The following GRID1 variants were observed in gnomAD, a reference collection of about 807,000 sequenced individuals.
GRID1 encodes glutamate ionotropic receptor delta type subunit 1.
In GRID1, 28 loss-of-function variants were observed where a neutral mutation model predicts 98.0. The observed-to-expected ratio is 0.29, with a 90% confidence interval of 0.21 to 0.39. The LOEUF (loss-of-function observed/expected upper bound fraction) is 0.39, where lower values mean the gene tolerates loss of function less well. Ranked by LOEUF, GRID1 falls within the 10% of genes least tolerant of loss-of-function variation. The pLI, the probability that GRID1 is intolerant of heterozygous loss-of-function variation, is 1.00. For synonymous variants in GRID1, 553 were observed against 538.5 expected (o/e 1.03, Z -0.37); for missense variants, 1,111 against 1,340.5 (o/e 0.83, Z 2.67).
intron 8 of GRID1, among the ~76,000 whole-genome samples, chr10:85,783,182 G>C (rs955350532): frequency 1.3e-5 from 2 of 152,118 alleles, no homozygotes; most frequent in Non-Finnish European, 2.9e-5. Context: ...TGTCTCCCGG[G>C]GGATCATATA....
At chr10:85,917,382 T>TC (rs1841635860) in intron 4 of GRID1, among the ~76,000 whole-genome samples, 1 of 152,248 alleles carries the variant, frequency 6.6e-6, no homozygotes, top group East Asian at 1.9e-4. Context: ...TAGTGAAAAT[T>TC]CCCCCTTTAT....
At chr10:86,116,497 C>T (rs142635060) in intron 4 of GRID1, among the ~76,000 whole-genome samples, 1 of 152,250 alleles carries the variant, frequency 6.6e-6, no homozygotes, top group East Asian at 1.9e-4. Context: ...CCAACTTCAA[C>T]TTGTCTTAGA....
chr10:85,730,558 TCA>T (rs1841811248), intron 8 of GRID1, among the ~76,000 whole-genome samples: 1 of 152,170 alleles, frequency 6.6e-6, no homozygotes, highest in Non-Finnish European at 1.5e-5. Flanking sequence ...CTCTTCTAGG[TCA>T]CTGGGCCTCC....
At chr10:85,996,321 C>A (rs778829832) in intron 4 of GRID1, among the ~76,000 whole-genome samples, 15 of 152,228 alleles carry the variant, frequency 9.9e-5, no homozygotes, top group Non-Finnish European at 2.1e-4. Context: ...TTCCAACAAG[C>A]AATTGTGAAC....
chr10:86,002,733 C>A (rs952087852), intron 4 of GRID1, among the ~76,000 whole-genome samples: 1 of 152,164 alleles, frequency 6.6e-6, no homozygotes, highest in African/African-American at 2.4e-5. Flanking sequence ...TGGAATTAAG[C>A]CTTTTAATAT....
chr10:86,215,101 G>A (rs952206565), intron 2 of GRID1, among the ~76,000 whole-genome samples: 1 of 152,222 alleles, frequency 6.6e-6, no homozygotes, highest in African/African-American at 2.4e-5. Flanking sequence ...GGGACAGTGG[G>A]GAGGGAAGAG....
Position 86,293,219 on chromosome 10 carries a change from C to A in GRID1, c.235+70722G>T, listed in dbSNP as rs191991881. ...TTTGTTATCACTCCTTCTTTCTTTC[C>A]CTGTGGCCCATGCAGGGCTGCCATG... is the stretch of plus-strand genomic sequence containing the variant. On this transcript the variant is annotated intron_variant, in intron 2 of 15. Transcript: ENST00000327946. Among the ~76,000 whole-genome samples, 27 of 152,322 alleles carry A rather than the reference C, an allele frequency of 1.8e-4. No individual in the cohort carries two copies. The East Asian group carries it at 2.7e-3, about 15-fold the overall frequency.
intron 3 of GRID1, among the ~76,000 whole-genome samples, chr10:86,151,870 T>C (rs1347379488): frequency 6.6e-6 from 1 of 152,074 alleles, no homozygotes; most frequent in Non-Finnish European, 1.5e-5. Context: ...ACTCCCACCC[T>C]CTCAGTGACA....
intron 14 of GRID1, among the ~76,000 whole-genome samples, chr10:85,615,418 G>A (rs1269055488): frequency 6.6e-6 from 1 of 152,230 alleles, no homozygotes; most frequent in Non-Finnish European, 1.5e-5. Flanking sequence ...TTTTCCCTGA[G>A]CAAGCACAGT....
chr10:86,124,288 TTGA>T (rs1844719718), intron 4 of GRID1, among the ~76,000 whole-genome samples: 1 of 152,146 alleles, frequency 6.6e-6, no homozygotes, highest in Non-Finnish European at 1.5e-5. Flanking sequence ...CCCCAGTGCT[TTGA>T]TCTTGGACAC....
chr10:86,356,721 C>CG (rs1564747688), intron 2 of GRID1, among the ~76,000 whole-genome samples: 1 of 152,154 alleles, frequency 6.6e-6, no homozygotes, highest in African/African-American at 2.4e-5. Flanking sequence ...ACTCATACAA[C>CG]GGGAAACACA....
At chr10:86,200,500 G>C (rs1845931857) in intron 3 of GRID1, among the ~76,000 whole-genome samples, 1 of 152,212 alleles carries the variant, frequency 6.6e-6, no homozygotes, top group South Asian at 2.1e-4. Context: ...GCCTGGCCAG[G>C]CCATAGCTGT....
intron 8 of GRID1, among the ~76,000 whole-genome samples, chr10:85,748,766 G>A (rs1415277695): frequency 6.6e-6 from 1 of 152,080 alleles, no homozygotes; most frequent in Non-Finnish European, 1.5e-5. Flanking sequence ...GCTCCAGCTT[G>A]ACATCTCCAC....
intron 4 of GRID1, among the ~76,000 whole-genome samples, chr10:85,920,095 T>C (rs533206380): frequency 2.0e-5 from 3 of 152,124 alleles, no homozygotes; most frequent in Non-Finnish European, 4.4e-5. Context: ...GATCTCAGCT[T>C]TTCAGGATGG....
At chr10:86,061,309 G>T (rs1337146843) in intron 4 of GRID1, among the ~76,000 whole-genome samples, 1 of 152,166 alleles carries the variant, frequency 6.6e-6, no homozygotes, top group Admixed American at 6.5e-5. Flanking sequence ...GCACTGCAAA[G>T]AATCCCTCAA....
At chr10:86,128,178 G>C (rs372955524) in intron 4 of GRID1, among the ~76,000 whole-genome samples, 2,213 of 152,018 alleles carry the variant, frequency 0.015, 31 homozygotes, top group East Asian at 0.063. Flanking sequence ...TTTCCTCTGT[G>C]AGAGGAGAAT....
At chr10:86,071,949 G>A (rs995189740) in intron 4 of GRID1, among the ~76,000 whole-genome samples, 14 of 152,190 alleles carry the variant, frequency 9.2e-5, no homozygotes, top group Non-Finnish European at 1.8e-4. Context: ...AGAGTGGGAG[G>A]CAGAGACACC....
Position 86,226,671 on chromosome 10 carries a change from T to C in GRID1, c.236-20023A>G, listed in dbSNP as rs530152073. ...TACCCTCCCACCTTCAGTTTTCCCA[T>C]TGGAGTGGGGTGTTGGCAGCAACAG... On this transcript the variant is annotated intron_variant, in intron 2 of 15. Coordinates refer to ENST00000327946, the MANE Select transcript of GRID1 (RefSeq NM_017551.3). 6.1e-5 allele frequency among the ~76,000 whole-genome samples: 8 copies of C among 130,426 alleles called. No individual in the cohort carries two copies. In the South Asian group the frequency reaches 1.9e-3, roughly 31 times the overall value. The allele number at this position is 130,426 out of a possible 152,430, so 85.6% of individuals were successfully genotyped here. A position where few individuals can be genotyped will look rare whatever the true frequency, so the allele number is the denominator to read the frequency against.
At chr10:85,995,766 C>T (rs1392269214) in intron 4 of GRID1, among the ~76,000 whole-genome samples, 2 of 152,206 alleles carry the variant, frequency 1.3e-5, no homozygotes, top group Non-Finnish European at 2.9e-5. Flanking sequence ...TCCAAAGCCA[C>T]AGCTGATTGG....
Sources: allele counts gnomAD v4.1 joint callset (sites outside exome capture counted in the v4.1 genomes callset), GRCh38; gene constraint gnomAD v4.1.1; transcripts MANE v1.5; gene names NCBI Gene and HGNC (gene_info 2026-07-23, HGNC 2026-07-21).